Variants in EPB41L1 observed in about 807,000 individuals in gnomAD.
EPB41L1 encodes erythrocyte membrane protein band 4.1 like 1.
Under a neutral mutation model 97.8 loss-of-function variants are expected in EPB41L1, and 29 were observed. The observed-to-expected ratio is 0.30, with a 90% CI of 0.22 to 0.40. The LOEUF (loss-of-function observed/expected upper bound fraction) is 0.40. EPB41L1 is among the 10% of genes least tolerant of loss of function. The pLI is 1.00. For synonymous variants in EPB41L1, 383 were observed against 459.2 expected (o/e 0.83, Z 2.12); for missense variants, 812 against 1,162.3 (o/e 0.70, Z 4.38).
At chr20:36,200,884 C>A (rs1315839238) in intron 14 of EPB41L1, 1 of 456,706 alleles carries the variant, frequency 2.2e-6, no homozygotes, top group Non-Finnish European at 4.4e-6. Context: ...CCCAGAGGAC[C>A]CAGGACATCT....
chr20:36,207,894 T>C lies in EPB41L1; in HGVS notation c.1669-1594T>C. 1 of 1,122,490 alleles carries C rather than the reference T, an allele frequency of 8.9e-7. No homozygotes were observed. The allele number at this position is 1,122,490 out of a possible 1,614,324, so 69.5% of individuals were successfully genotyped here. A position where few individuals can be genotyped will look rare whatever the true frequency, so the allele number is the denominator to read the frequency against. ...CAGTGGCCCCTCGTCATTTCTGCAA[T>C]CAGAGGCTGCTTATCCATCCCTGTG... On this transcript the variant is annotated intron_variant, in intron 14 of 21. Coordinates refer to ENST00000338074, the MANE Select transcript of EPB41L1 (RefSeq NM_012156.2). This position sits in a 1 kb window ranked among gnomAD's most constrained non-coding sequence, Gnocchi z 4.9.
intron 8 of EPB41L1, among the ~76,000 whole-genome samples, chr20:36,188,026 A>G (rs6060847): frequency 2.1e-4 from 32 of 152,246 alleles, no homozygotes; most frequent in African/African-American, 7.7e-4. Context: ...GCCTTAGTTT[A>G]TTTCTATATC....
chr20:36,121,391 T>C, intron 2 of EPB41L1, among the ~76,000 whole-genome samples: 1 of 152,146 alleles, frequency 6.6e-6, no homozygotes, highest in East Asian at 1.9e-4. Flanking sequence ...AAAATACCTC[T>C]GTTGGGGGAG....
rs1197200089 is a variant in EPB41L1, at chr20:36,221,864, A to G, written c.2440A>G (p.Thr814Ala). Reference sequence around the variant, plus strand: ...ACCTCACCTCCCTCTCCCTCTGCAGACTGTGAAAGGAGGGTTTTCTGAGAC... The same window carrying G: ...ACCTCACCTCCCTCTCCCTCTGCAGGCTGTGAAAGGAGGGTTTTCTGAGAC... ...STSTTTHVTK[T>A]VKGGFSETRI... Residue 814 changes from threonine (T) to alanine (A), a missense_variant and splice_region_variant, in exon 20 of 22, where the codon ACT becomes GCT. By Grantham distance (58) the Thr-to-Ala change is moderately conservative (BLOSUM62 0). This residue lies in a region of EPB41L1 where 498 missense variants were observed against 622.7 expected (regional missense o/e 0.80). Transcript: ENST00000338074. The G allele has an allele frequency of 6.2e-7, 1 of 1,614,114 alleles. No individual in the cohort carries two copies. The highest frequency in any genetic ancestry group is 1.7e-5 in the Admixed American group (1 of 60,024).
At chr20:36,160,577 G>A (rs113891980) in intron 1 of EPB41L1, among the ~76,000 whole-genome samples, 6,686 of 150,566 alleles carry the variant, frequency 0.044, 215 homozygotes, top group South Asian at 0.15. Context: ...GTGACAGAGC[G>A]AGACTCCGTC....
intron 2 of EPB41L1, among the ~76,000 whole-genome samples, chr20:36,128,092 C>T (rs2059044816): frequency 6.6e-6 from 1 of 152,050 alleles, no homozygotes; most frequent in African/African-American, 2.4e-5. Flanking sequence ...CTGGAAGAGC[C>T]CTGGAGCTCA....
intron 6 of EPB41L1, among the ~76,000 whole-genome samples, chr20:36,183,737 G>C (rs182066477): frequency 6.6e-6 from 1 of 152,324 alleles, no homozygotes; most frequent in Admixed American, 6.5e-5. Flanking sequence ...ATATTTGGCA[G>C]TGATTTCTGA....
chr20:36,191,318 C>G (rs1294871614), intron 11 of EPB41L1, among the ~76,000 whole-genome samples: 1 of 152,170 alleles, frequency 6.6e-6, no homozygotes. Flanking sequence ...TCTTTTGGTT[C>G]TACTAGGTTC....
chr20:36,164,510 G>A (rs1406044704), intron 1 of EPB41L1, among the ~76,000 whole-genome samples: 1 of 152,140 alleles, frequency 6.6e-6, no homozygotes, highest in Non-Finnish European at 1.5e-5. Context: ...TCATCGGTGT[G>A]CAGGGTTTAG....
intron 2 of EPB41L1, among the ~76,000 whole-genome samples, chr20:36,147,994 G>T (rs1475330972): frequency 6.6e-6 from 1 of 152,112 alleles, no homozygotes; most frequent in Admixed American, 6.5e-5. Context: ...GAAGCATGGG[G>T]ACCTATTAAG....
intron 21 of EPB41L1, among the ~76,000 whole-genome samples, chr20:36,227,787 C>T (rs746519073): frequency 3.3e-5 from 5 of 152,206 alleles, no homozygotes; most frequent in Non-Finnish European, 5.9e-5. Flanking sequence ...TTGCTATGAG[C>T]GTGGAAAGTC....
chr20:36,130,028 G>A (rs974245961), intron 2 of EPB41L1, among the ~76,000 whole-genome samples: 4 of 146,962 alleles, frequency 2.7e-5, no homozygotes, highest in East Asian at 2.0e-4. Context: ...TGCAACCTCC[G>A]CCCCCCAGGT....
intron 2 of EPB41L1, among the ~76,000 whole-genome samples, chr20:36,148,169 CA>C (rs1309028666): frequency 1.1e-4 from 16 of 152,212 alleles, no homozygotes; most frequent in Admixed American, 3.9e-4. Flanking sequence ...TGTGGGCCTT[CA>C]GGGGTGTGTG....
chr20:36,170,143 T>A (rs2060926506), intron 1 of EPB41L1, among the ~76,000 whole-genome samples: 1 of 149,948 alleles, frequency 6.7e-6, no homozygotes, highest in African/African-American at 2.5e-5. Flanking sequence ...CATCATAGAT[T>A]TTTTTTTTTA....
intron 21 of EPB41L1, among the ~76,000 whole-genome samples, chr20:36,226,385 G>A (rs759238890): frequency 3.9e-5 from 6 of 152,162 alleles, no homozygotes; most frequent in Non-Finnish European, 8.8e-5. Context: ...CCTGTGCCAG[G>A]CACCAGGCTG....
intron 2 of EPB41L1, among the ~76,000 whole-genome samples, chr20:36,142,401 CT>C (rs1475963323): frequency 2.0e-5 from 3 of 150,528 alleles, no homozygotes; most frequent in African/African-American, 7.4e-5. Flanking sequence ...ATAGCCACAT[CT>C]TTGTGTCATT....
intron 15 of EPB41L1, 131 bp downstream of exon 15, chr20:36,210,029 T>C: frequency 9.1e-7 from 1 of 1,093,340 alleles, no homozygotes; most frequent in South Asian, 1.5e-5. Flanking sequence ...TGACTGCCCC[T>C]CCGCAGAACA....
chr20:36,102,610 T>C (rs1057013650), intron 1 of EPB41L1, among the ~76,000 whole-genome samples: 6 of 152,324 alleles, frequency 3.9e-5, no homozygotes, highest in African/African-American at 1.4e-4. Flanking sequence ...AAGTCAGGTC[T>C]CCTGCTGCCC....
At chr20:36,130,085 G>A (rs948100685) in intron 2 of EPB41L1, among the ~76,000 whole-genome samples, 1 of 151,912 alleles carries the variant, frequency 6.6e-6, no homozygotes, top group African/African-American at 2.4e-5. Context: ...GGGATTACAG[G>A]CACCCGCCAC....
Sources: gnomAD v4.1 joint callset for allele counts (sites outside exome capture counted in the v4.1 genomes callset) on GRCh38, gnomAD v4.1.1 for gene constraint, gnomAD v4.1.1 regional missense constraint, Gnocchi (gnomAD v3.1) non-coding constraint, MANE v1.5 for transcripts, NCBI Gene and HGNC (gene_info 2026-07-23, HGNC 2026-07-21) for gene names.